The following DYNLT5 variants were observed in gnomAD, a reference collection of about 807,000 sequenced individuals.
DYNLT5 encodes dynein light chain Tctex-type 5.
In DYNLT5, 25 loss-of-function variants were observed where a neutral mutation model predicts 19.3. The observed-to-expected ratio is 1.30, with a 90% confidence interval of 0.95 to 1.81. The LOEUF (loss-of-function observed/expected upper bound fraction) is 1.81. Among genes scored for constraint, DYNLT5 ranks in the 40% most tolerant of loss-of-function variants. The pLI is 0.00. For missense variants in DYNLT5, 232 were observed against 217.9 expected, an observed-to-expected ratio of 1.06 and a Z score of -0.41; for synonymous variants, 82 against 68.9, an observed-to-expected ratio of 1.19 and a Z score of -0.94.
intron 2 of DYNLT5, among the ~76,000 whole-genome samples, chr1:66,756,884 T>C (rs1391493264): frequency 1.3e-5 from 2 of 152,184 alleles, no homozygotes; most frequent in African/African-American, 4.8e-5. Flanking sequence ...CCCCATGGGG[T>C]ACCCCGACTC....
chr1:66,757,087 G>A (rs1005195532), intron 2 of DYNLT5, among the ~76,000 whole-genome samples: 1 of 152,128 alleles, frequency 6.6e-6, no homozygotes, highest in Admixed American at 6.5e-5. Context: ...ACTATATTTG[G>A]TGATTTGCTT....
intron 3 of DYNLT5, among the ~76,000 whole-genome samples, chr1:66,773,671 T>G (rs1306351611): frequency 6.6e-6 from 1 of 152,218 alleles, no homozygotes; most frequent in Non-Finnish European, 1.5e-5. Flanking sequence ...GTAGTAATTA[T>G]TATTATTACC....
At chr1:66,752,607 C>A in intron 1 of DYNLT5, 23 bp downstream of exon 1, 8 of 984,820 alleles carry the variant, frequency 8.1e-6, no homozygotes, top group Non-Finnish European at 8.4e-6. Context: ...CTCTCTGCAG[C>A]GCGTCTGGAC....
chr1:66,757,012 C>A (rs185573522), intron 2 of DYNLT5, among the ~76,000 whole-genome samples: 1 of 152,228 alleles, frequency 6.6e-6, no homozygotes, highest in Non-Finnish European at 1.5e-5. Context: ...CTATGACCAC[C>A]TTTACCTCCA....
At chr1:66,757,076 C>T (rs1396197095) in intron 2 of DYNLT5, among the ~76,000 whole-genome samples, 2 of 152,224 alleles carry the variant, frequency 1.3e-5, no homozygotes, top group East Asian at 1.9e-4. Flanking sequence ...CTTCGATATG[C>T]ACTATATTTG....
rs1645249842 is a variant in DYNLT5, at chr1:66,778,432, A to T, written c.*978A>T. On this transcript the variant is annotated 3_prime_UTR_variant, in exon 5 of 5. Coordinates refer to ENST00000282670, the MANE Select transcript of DYNLT5 (RefSeq NM_152665.3). ...AGCTTATTATTCTGCTGGTTAATGT[A>T]TCTTACGCCACGGATCATTTATTTT... The T allele has an allele frequency of 6.6e-6, 1 of 152,586 alleles. No individual in the cohort carries two copies. The highest frequency in any genetic ancestry group is 1.5e-5 in the Non-Finnish European group (1 of 68,016). 9.5% of individuals were successfully genotyped at this position (152,586 alleles called of 1,614,324 possible).
chr1:66,755,933 C>T (rs143694303), intron 2 of DYNLT5, among the ~76,000 whole-genome samples: 3 of 152,284 alleles, frequency 2.0e-5, no homozygotes, highest in African/African-American at 7.2e-5. Flanking sequence ...AATAGTCTGA[C>T]ATAAATTACG....
intron 2 of DYNLT5, among the ~76,000 whole-genome samples, chr1:66,770,059 G>A (rs865879761): frequency 3.3e-5 from 5 of 152,222 alleles, no homozygotes; most frequent in African/African-American, 1.2e-4. Context: ...GTGGAGATGC[G>A]ATTGGCAATG....
chr1:66,774,950 A>G (rs1335584088), intron 3 of DYNLT5: 1 of 152,234 alleles, frequency 6.6e-6, no homozygotes, highest in Non-Finnish European at 1.5e-5. Flanking sequence ...AGATATTGAC[A>G]TATATTAAAA....
intron 2 of DYNLT5, among the ~76,000 whole-genome samples, chr1:66,764,340 G>A (rs1164515590): frequency 6.6e-6 from 1 of 152,218 alleles, no homozygotes; most frequent in Non-Finnish European, 1.5e-5. Context: ...TGATTTAAAA[G>A]TGAGAGATGT....
intron 2 of DYNLT5, among the ~76,000 whole-genome samples, chr1:66,769,135 A>G (rs1042971297): frequency 2.0e-5 from 3 of 152,176 alleles, no homozygotes; most frequent in African/African-American, 7.2e-5. Context: ...ACCTGCAGCC[A>G]GTGTGGCCAA....
At chr1:66,755,048 C>G (rs1244778153) in intron 2 of DYNLT5, among the ~76,000 whole-genome samples, 2 of 152,190 alleles carry the variant, frequency 1.3e-5, no homozygotes, top group Non-Finnish European at 2.9e-5. Flanking sequence ...GTAAACCAGA[C>G]ACGCTTATAT....
chr1:66,758,856 C>T (rs1212590877), intron 2 of DYNLT5, among the ~76,000 whole-genome samples: 2 of 152,040 alleles, frequency 1.3e-5, no homozygotes, highest in East Asian at 1.9e-4. Context: ...GAGCTGTTTA[C>T]GGGCAATTGA....
chr1:66,777,375 G>T lies in DYNLT5; in HGVS notation c.461G>T (p.Ser154Ile). ...IGSRCLWDPK[S>I]DTFSSYVFRN... is the part of the protein sequence containing the mutation. The stretch of plus-strand genomic sequence containing the variant: ...AGCAGATGCCTCTGGGATCCTAAAA[G>T]TGATACCTTTTCATCTTATGTTTTC... The change falls in exon 5 of 5, where the codon AGT (serine) becomes ATT (isoleucine). Residue 154 changes from serine (S) to isoleucine (I), a missense_variant. Ser to Ile is a moderately radical substitution (Grantham distance 142). Coordinates refer to ENST00000282670, the MANE Select transcript of DYNLT5 (RefSeq NM_152665.3). 6.2e-7 allele frequency: 1 copy of T among 1,613,948 alleles called. No homozygotes were observed.
chr1:66,771,932 A>T (rs890785276), intron 3 of DYNLT5, among the ~76,000 whole-genome samples: 1 of 152,214 alleles, frequency 6.6e-6, no homozygotes, highest in Admixed American at 6.5e-5. Flanking sequence ...TTTTAGAAAA[A>T]GCTTAGTATA....
At chr1:66,770,298 T>A in intron 2 of DYNLT5, 89 bp from the exon 3 acceptor site, 1 of 892,852 alleles carries the variant, frequency 1.1e-6, no homozygotes, top group Admixed American at 2.1e-5. Flanking sequence ...GAAAACTTCA[T>A]CTTTGTAACA....
At chr1:66,758,081 G>C (rs12059355) in intron 2 of DYNLT5, among the ~76,000 whole-genome samples, 42,052 of 151,912 alleles carry the variant, frequency 0.28, 5,879 homozygotes, top group Admixed American at 0.29. Flanking sequence ...AGCTTAGAGA[G>C]ATTGAGGCTC....
chr1:66,777,668 T>A lies in DYNLT5; in HGVS notation c.*214T>A, dbSNP rs1572554392. The A allele has an allele frequency of 2.5e-6, 1 of 408,020 alleles. No homozygotes were observed. The highest frequency in any genetic ancestry group is 6.7e-5 in the South Asian group (1 of 14,966). The allele number at this position is 408,020 out of a possible 1,614,324, so 25.3% of individuals were successfully genotyped here. On this transcript the variant is annotated 3_prime_UTR_variant, in exon 5 of 5. Coordinates refer to ENST00000282670, the MANE Select transcript of DYNLT5 (RefSeq NM_152665.3). ...TTGTTTATCTAAAGCAGGAACTTGA[T>A]CTTGGTTTTGCTGGATTGCTTTCCA...
chr1:66,756,292 G>A (rs12057438), intron 2 of DYNLT5, among the ~76,000 whole-genome samples: 7 of 152,018 alleles, frequency 4.6e-5, no homozygotes, highest in African/African-American at 1.7e-4. Flanking sequence ...CAGCTTCCAA[G>A]TCCCCTTGCA....
Sources: allele counts gnomAD v4.1 joint callset (sites outside exome capture counted in the v4.1 genomes callset), GRCh38; gene constraint gnomAD v4.1.1; transcripts MANE v1.5; gene names NCBI Gene and HGNC (gene_info 2026-07-23, HGNC 2026-07-21).